The following EPB41L2 variants were observed in gnomAD, a reference collection of about 807,000 sequenced individuals.
EPB41L2 encodes the protein band 4.1-like protein 2.
Under a neutral mutation model 113.0 loss-of-function variants are expected in EPB41L2, and 43 were observed. The observed-to-expected ratio is 0.38, with a 90% CI of 0.30 to 0.49. The LOEUF is 0.49. Among genes scored for constraint, EPB41L2 ranks in the 20% least tolerant of loss-of-function variants. The probability of loss-of-function intolerance (pLI) is 0.95; values close to 1 mark genes in which losing one functional copy is unlikely to be tolerated. For synonymous variants in EPB41L2, 442 were observed against 436.7 expected, an observed-to-expected ratio of 1.01 and a Z score of -0.15; for missense variants, 1,147 against 1,223.4, an observed-to-expected ratio of 0.94 and a Z score of 0.93.
At chr6:130,840,780 G>A (rs951959129) in intron 19 of EPB41L2, among the ~76,000 whole-genome samples, 182 bp from the exon 20 acceptor site, 23 of 152,148 alleles carry the variant, frequency 1.5e-4, no homozygotes, top group African/African-American at 5.1e-4. Flanking sequence ...TTCCACTCTC[G>A]AGGGCCTTAA....
At chr6:130,997,381 T>G (rs548536264) in intron 1 of EPB41L2, among the ~76,000 whole-genome samples, 4 of 152,316 alleles carry the variant, frequency 2.6e-5, no homozygotes, top group African/African-American at 9.6e-5. Context: ...TCAGAAGTTG[T>G]TTTAACAGTT....
intron 1 of EPB41L2, among the ~76,000 whole-genome samples, chr6:131,016,885 T>C (rs1788364826): frequency 6.6e-6 from 1 of 151,940 alleles, no homozygotes; most frequent in Non-Finnish European, 1.5e-5. Context: ...TAAGCCATTA[T>C]TTACTTTAAG....
chr6:130,993,169 G>A (rs1227922329), intron 1 of EPB41L2, among the ~76,000 whole-genome samples: 1 of 152,042 alleles, frequency 6.6e-6, no homozygotes, highest in African/African-American at 2.4e-5. Context: ...TTAAATATTT[G>A]ATCCTAGTCA....
chr6:130,962,418 G>A (rs948496212), intron 1 of EPB41L2, among the ~76,000 whole-genome samples: 2 of 152,110 alleles, frequency 1.3e-5, no homozygotes, highest in African/African-American at 4.8e-5. Flanking sequence ...TTTCTTAAGT[G>A]TCAGATGGTC....
At chr6:130,925,326 T>C (rs1299659808) in intron 4 of EPB41L2, among the ~76,000 whole-genome samples, 1 of 151,098 alleles carries the variant, frequency 6.6e-6, no homozygotes, top group African/African-American at 2.4e-5. Context: ...GTAGCTGAGA[T>C]TACAGGTGCC....
At chr6:130,851,739 T>C (rs1359646150) in intron 19 of EPB41L2, among the ~76,000 whole-genome samples, 1 of 152,230 alleles carries the variant, frequency 6.6e-6, no homozygotes, top group African/African-American at 2.4e-5. Context: ...TCCAAAAACA[T>C]GCTCATTTGG....
At chr6:130,887,934 A>C (rs950187315) in intron 11 of EPB41L2, among the ~76,000 whole-genome samples, 2 of 152,036 alleles carry the variant, frequency 1.3e-5, no homozygotes, top group East Asian at 3.9e-4. Context: ...CCTGTCCTAA[A>C]ACAGCTGTTC....
At chr6:131,038,416 C>T (rs1047164033) in intron 1 of EPB41L2, among the ~76,000 whole-genome samples, 1 of 152,100 alleles carries the variant, frequency 6.6e-6, no homozygotes, top group African/African-American at 2.4e-5. Flanking sequence ...CTATCACCAT[C>T]TGGAAAATTC....
chr6:130,878,461 ACTT>A (rs1350193969), intron 13 of EPB41L2: 7 of 479,532 alleles, frequency 1.5e-5, no homozygotes, highest in Non-Finnish European at 2.5e-5. Context: ...GTCAATGCGT[ACTT>A]CTTCAATGAT....
intron 1 of EPB41L2, among the ~76,000 whole-genome samples, chr6:131,026,241 C>T (rs1790838577): frequency 6.6e-6 from 1 of 152,158 alleles, no homozygotes; most frequent in Non-Finnish European, 1.5e-5. Context: ...CAAGAAATAA[C>T]AAGGAATTGC....
At chr6:131,062,906 G>A (rs1166429800) in intron 1 of EPB41L2, among the ~76,000 whole-genome samples, 1 of 152,020 alleles carries the variant, frequency 6.6e-6, no homozygotes, top group African/African-American at 2.4e-5. Flanking sequence ...ACAGGACCCG[G>A]ACCCCCGGGC....
intron 1 of EPB41L2, among the ~76,000 whole-genome samples, chr6:130,968,730 CT>C (rs11340034): frequency 0.13 from 18,573 of 142,168 alleles, 1,347 homozygotes; most frequent in African/African-American, 0.2. Flanking sequence ...GCTATAAAAC[CT>C]TTTTTTTTTT....
intron 18 of EPB41L2, 93 bp from the exon 19 acceptor site, chr6:130,858,336 A>G (rs1780941441): frequency 1.1e-6 from 1 of 937,382 alleles, no homozygotes. Flanking sequence ...CCTCGGACCC[A>G]ACCTCAAGCC....
At position 130,894,454 on chromosome 6, in the gene EPB41L2, C is replaced by T. The variant is rs1169024245; in HGVS notation, c.1390-13G>A. 3.7e-6 allele frequency: 6 copies of T among 1,610,342 alleles called. No individual in the cohort carries two copies. Among genetic ancestry groups the T allele is most frequent in the South Asian group, 1.1e-5 (1 of 90,948 alleles). On this transcript the variant is annotated splice_polypyrimidine_tract_variant and intron_variant, in intron 9 of 19. Coordinates refer to ENST00000337057, the MANE Select transcript of EPB41L2 (RefSeq NM_001431.4). Reference sequence around the variant, plus strand: ...CAAACTGTTCCAGCTGGAATAAATCCGTAAAACAAATCAGCATATTTCCTT... The same window carrying T: ...CAAACTGTTCCAGCTGGAATAAATCTGTAAAACAAATCAGCATATTTCCTT...
At chr6:130,907,705 A>T (rs1444299374) in intron 5 of EPB41L2, among the ~76,000 whole-genome samples, 1 of 152,106 alleles carries the variant, frequency 6.6e-6, no homozygotes, top group Non-Finnish European at 1.5e-5. Context: ...CAGGAAGACT[A>T]CCAAAAAGAT....
chr6:130,998,537 A>T lies in EPB41L2; in HGVS notation c.-14-42038T>A, dbSNP rs1783657392. Among the ~76,000 whole-genome samples the T allele has an allele frequency of 2.0e-5, 3 of 152,320 alleles. 1 individual carries two copies. The South Asian group carries it at 6.2e-4, about 32-fold the overall frequency. ...TAAATAGCATATCTGAATAGACTGG[A>T]TGGGGAAAGATGATAATCAGGATAC... On this transcript the variant is annotated intron_variant, in intron 1 of 19. Transcript: ENST00000337057.
intron 1 of EPB41L2, among the ~76,000 whole-genome samples, chr6:131,018,532 G>A (rs574834312): frequency 1.6e-4 from 24 of 152,170 alleles, no homozygotes; most frequent in African/African-American, 5.1e-4. Context: ...TAATTTTTTC[G>A]TATGGAAGTT....
chr6:130,892,306 C>T (rs78469772), intron 10 of EPB41L2, among the ~76,000 whole-genome samples: 41 of 119,904 alleles, frequency 3.4e-4, no homozygotes, highest in African/African-American at 9.1e-4. Flanking sequence ...TTGCCTAGGG[C>T]GAGAAATAGA....
chr6:130,936,513 G>C (rs1808835484), intron 3 of EPB41L2, among the ~76,000 whole-genome samples: 1 of 152,130 alleles, frequency 6.6e-6, no homozygotes, highest in East Asian at 1.9e-4. Context: ...GTCTAACCAA[G>C]TTATTTAAAT....
Sources: allele counts gnomAD v4.1 joint callset (sites outside exome capture counted in the v4.1 genomes callset), GRCh38; gene constraint gnomAD v4.1.1; transcripts MANE v1.5; gene names NCBI Gene and HGNC (gene_info 2026-07-23, HGNC 2026-07-21).